Variants in VPS13B observed in about 807,000 individuals in gnomAD.
VPS13B encodes the protein intermembrane lipid transfer protein VPS13B.
Under a neutral mutation model 426.4 loss-of-function variants are expected in VPS13B, and 285 were observed. The observed-to-expected ratio is 0.67, with a 90% CI of 0.61 to 0.74. The LOEUF (loss-of-function observed/expected upper bound fraction) is 0.74, where lower values mean the gene tolerates loss of function less well. Among genes scored for constraint, VPS13B ranks in the 30% least tolerant of loss-of-function variants. VPS13B has a pLI of 0.00. For missense variants in VPS13B, 4,537 were observed against 4,782.6 expected (o/e 0.95, Z 1.51); for synonymous variants, 1,676 against 1,676.4 (o/e 1.00, Z 0.01).
At chr8:99,606,925 A>G (rs529579232) in intron 33 of VPS13B, among the ~76,000 whole-genome samples, 4 of 152,104 alleles carry the variant, frequency 2.6e-5, no homozygotes, top group Non-Finnish European at 5.9e-5. Flanking sequence ...CCATCATTAC[A>G]TGTCTCTTTA....
At chr8:99,219,150 C>T (rs921799282) in intron 17 of VPS13B, among the ~76,000 whole-genome samples, 10 of 152,144 alleles carry the variant, frequency 6.6e-5, no homozygotes, top group African/African-American at 2.2e-4. Flanking sequence ...CAAGTGGCAG[C>T]GTAAACAGGT....
intron 3 of VPS13B, among the ~76,000 whole-genome samples, chr8:99,065,111 A>C (rs1020184200): frequency 3.9e-5 from 6 of 152,336 alleles, no homozygotes; most frequent in Non-Finnish European, 7.3e-5. Flanking sequence ...GAAGGAAGCA[A>C]TAAACATGGA....
intron 25 of VPS13B, among the ~76,000 whole-genome samples, chr8:99,498,879 G>A (rs1044469047): frequency 3.3e-5 from 5 of 152,090 alleles, no homozygotes; most frequent in Admixed American, 3.3e-4. Flanking sequence ...ACTTGTTACT[G>A]TTGACTTAAG....
chr8:99,151,029 A>T (rs940793775), intron 14 of VPS13B, among the ~76,000 whole-genome samples: 3 of 152,202 alleles, frequency 2.0e-5, no homozygotes, highest in Non-Finnish European at 4.4e-5. Flanking sequence ...GTTTCTCCAC[A>T]TCCCTACCAA....
chr8:99,149,040 C>T (rs958110725), intron 14 of VPS13B, among the ~76,000 whole-genome samples: 3 of 152,238 alleles, frequency 2.0e-5, no homozygotes, highest in Non-Finnish European at 2.9e-5. Context: ...TAGAGGATCA[C>T]AGGATATTCT....
At chr8:99,610,842 A>G (rs1827817672) in intron 33 of VPS13B, among the ~76,000 whole-genome samples, 1 of 152,186 alleles carries the variant, frequency 6.6e-6, no homozygotes, top group South Asian at 2.1e-4. Flanking sequence ...TGAGTAGTGA[A>G]TTTTCTTATT....
intron 30 of VPS13B, among the ~76,000 whole-genome samples, chr8:99,528,248 TTATTA>T (rs1437154742): frequency 6.6e-6 from 1 of 152,096 alleles, no homozygotes; most frequent in Admixed American, 6.5e-5. Flanking sequence ...AAAATAGCTT[TTATTA>T]TAAGAAATAG....
intron 2 of VPS13B, among the ~76,000 whole-genome samples, chr8:99,024,911 A>G (rs1162561038): frequency 1.3e-5 from 2 of 152,222 alleles, no homozygotes; most frequent in African/African-American, 2.4e-5. Flanking sequence ...AGTTTTTCCA[A>G]TTCATGAACA....
At chr8:99,218,409 G>A (rs1815503687) in intron 17 of VPS13B, among the ~76,000 whole-genome samples, 1 of 152,194 alleles carries the variant, frequency 6.6e-6, no homozygotes, top group South Asian at 2.1e-4. Context: ...TGTGATGACA[G>A]ATGCATTTGT....
intron 16 of VPS13B, among the ~76,000 whole-genome samples, chr8:99,182,667 T>C (rs1813005455): frequency 1.3e-5 from 2 of 152,174 alleles, no homozygotes; most frequent in Non-Finnish European, 2.9e-5. Context: ...TTCAGAGTAA[T>C]GGTATCCAGG....
chr8:99,822,096 T>C (rs1384668121), intron 50 of VPS13B, among the ~76,000 whole-genome samples: 1 of 152,246 alleles, frequency 6.6e-6, no homozygotes, highest in African/African-American at 2.4e-5. Context: ...ATAATATAAC[T>C]AATCACATTA....
At chr8:99,236,928 T>C (rs1408614430) in intron 17 of VPS13B, among the ~76,000 whole-genome samples, 1 of 152,234 alleles carries the variant, frequency 6.6e-6, no homozygotes, top group Non-Finnish European at 1.5e-5. Context: ...CCCACCCAGA[T>C]CTCATCTTGA....
chr8:99,404,690 A>G (rs906646522), intron 21 of VPS13B, among the ~76,000 whole-genome samples: 19 of 152,198 alleles, frequency 1.2e-4, no homozygotes, highest in Non-Finnish European at 7.3e-5. Flanking sequence ...AAAAATAATG[A>G]TGAGTGTAAA....
At chr8:99,451,287 C>T (rs1818183503) in intron 23 of VPS13B, among the ~76,000 whole-genome samples, 1 of 152,188 alleles carries the variant, frequency 6.6e-6, no homozygotes, top group African/African-American at 2.4e-5. Flanking sequence ...CTCAATCCTC[C>T]AGCCTTTTTT....
intron 30 of VPS13B, among the ~76,000 whole-genome samples, chr8:99,537,098 C>T (rs1823287134): frequency 1.3e-5 from 2 of 151,800 alleles, no homozygotes; most frequent in Admixed American, 6.6e-5. Flanking sequence ...CAAATAATAA[C>T]GTATATCCAC....
At chr8:99,151,275 A>G (rs1811063995) in intron 14 of VPS13B, among the ~76,000 whole-genome samples, 1 of 152,108 alleles carries the variant, frequency 6.6e-6, no homozygotes, top group South Asian at 2.1e-4. Flanking sequence ...TTTGGGTAAC[A>G]GTCCTTTATC....
In VPS13B at chr8:99,566,713, G is replaced by C. The variant is rs535463702; in HGVS notation, c.4950-8945G>C. 6.6e-4 allele frequency among the ~76,000 whole-genome samples: 100 copies of C among 152,324 alleles called. 1 individual carries two copies. Among genetic ancestry groups the C allele is most frequent in the Non-Finnish European group, 4.4e-5 (3 of 68,026 alleles). ...CAGCCTTGGCCTCCCAAAGTAGTGA[G>C]AGGCCACTGTGCCCAGCGTGAGCCA... On this transcript the variant is annotated intron_variant, in intron 31 of 61. Transcript: ENST00000357162.
At chr8:99,127,325 C>T (rs1848228465) in intron 8 of VPS13B, among the ~76,000 whole-genome samples, 1 of 152,136 alleles carries the variant, frequency 6.6e-6, no homozygotes, top group South Asian at 2.1e-4. Flanking sequence ...CCACTTTTCA[C>T]TTTTCCCTGA....
chr8:99,844,650 G>A (rs1053611341), intron 54 of VPS13B, among the ~76,000 whole-genome samples: 2 of 152,094 alleles, frequency 1.3e-5, no homozygotes, highest in African/African-American at 4.8e-5. Flanking sequence ...GATTACAGGC[G>A]TGAGCTACCG....
Sources: gnomAD v4.1 joint callset for allele counts (sites outside exome capture counted in the v4.1 genomes callset) on GRCh38, gnomAD v4.1.1 for gene constraint, MANE v1.5 for transcripts, NCBI Gene and HGNC (gene_info 2026-07-23, HGNC 2026-07-21) for gene names.